HS6ST3: variants seen among roughly 807,000 people sequenced by gnomAD.
HS6ST3 encodes the protein heparan sulfate 6-O-sulfotransferase 3.
In HS6ST3, 12 loss-of-function variants were observed where a neutral mutation model predicts 36.7. The observed-to-expected ratio is 0.33, with a 90% confidence interval of 0.21 to 0.53. The LOEUF (loss-of-function observed/expected upper bound fraction) is 0.53. Among genes scored for constraint, HS6ST3 ranks in the 20% least tolerant of loss-of-function variants. The pLI is 0.95. For missense variants in HS6ST3, 584 were observed against 640.9 expected, an observed-to-expected ratio of 0.91 and a Z score of 0.96; for synonymous variants, 240 against 257.5, an observed-to-expected ratio of 0.93 and a Z score of 0.65.
chr13:96,659,214 A>G (rs2056637890), intron 1 of HS6ST3, among the ~76,000 whole-genome samples: 1 of 152,298 alleles, frequency 6.6e-6, no homozygotes, highest in African/African-American at 2.4e-5. Context: ...TAGCTATTCT[A>G]TAGAGAATGT....
At chr13:96,259,819 A>T (rs9556533) in intron 1 of HS6ST3, among the ~76,000 whole-genome samples, 10,975 of 152,260 alleles carry the variant, frequency 0.072, 512 homozygotes, top group East Asian at 0.16. Context: ...TCTCTGTCAG[A>T]GAAAGAGTAG....
chr13:96,228,119 C>T (rs548651826), intron 1 of HS6ST3, among the ~76,000 whole-genome samples: 2 of 152,262 alleles, frequency 1.3e-5, no homozygotes, highest in South Asian at 4.1e-4. Context: ...CATATATTCT[C>T]TGTTGCAGCT....
chr13:96,267,335 G>A lies in HS6ST3; in HGVS notation c.707+175766G>A, dbSNP rs1038258106. Among the ~76,000 whole-genome samples, 4 of 152,048 alleles carry A rather than the reference G, an allele frequency of 2.6e-5. No individual in the cohort carries two copies. The South Asian group carries it at 8.3e-4, about 32-fold the overall frequency. On this transcript the variant is annotated intron_variant, in intron 1 of 1. Transcript: ENST00000376705. ...GCATCTCTCATCTTGTACATTAACA[G>A]GAAATAGTATTTCAGGTTTCTTCTT...
At chr13:96,778,223 A>G (rs1445721376) in intron 1 of HS6ST3, among the ~76,000 whole-genome samples, 3 of 152,234 alleles carry the variant, frequency 2.0e-5, no homozygotes, top group Non-Finnish European at 4.4e-5. Context: ...TAAAAACCCT[A>G]GAAGAAAACC....
chr13:96,375,573 C>G (rs907849169), intron 1 of HS6ST3, among the ~76,000 whole-genome samples: 1 of 152,190 alleles, frequency 6.6e-6, no homozygotes, highest in Non-Finnish European at 1.5e-5. Flanking sequence ...AACTTCAAGC[C>G]TGTGACCTGG....
intron 1 of HS6ST3, among the ~76,000 whole-genome samples, chr13:96,710,678 G>A (rs994945529): frequency 4.6e-5 from 7 of 152,216 alleles, no homozygotes; most frequent in African/African-American, 1.4e-4. Context: ...GGGAGGACCC[G>A]AGTCATCACT....
chr13:96,238,097 C>G (rs1049030348), intron 1 of HS6ST3, among the ~76,000 whole-genome samples: 6 of 152,148 alleles, frequency 3.9e-5, no homozygotes, highest in African/African-American at 1.4e-4. Context: ...CAAACCTGTT[C>G]CTCTCTCAGT....
At chr13:96,731,108 C>T (rs1007149609) in intron 1 of HS6ST3, among the ~76,000 whole-genome samples, 1 of 152,224 alleles carries the variant, frequency 6.6e-6, no homozygotes. Flanking sequence ...TTAACATCCA[C>T]TCTGTTAGCA....
At chr13:96,172,934 G>T (rs1320056269) in intron 1 of HS6ST3, among the ~76,000 whole-genome samples, 1 of 152,172 alleles carries the variant, frequency 6.6e-6, no homozygotes, top group Non-Finnish European at 1.5e-5. Context: ...AATCCTATCA[G>T]CAGTACTCTT....
intron 1 of HS6ST3, among the ~76,000 whole-genome samples, chr13:96,238,035 A>G (rs2054542703): frequency 6.6e-6 from 1 of 152,150 alleles, no homozygotes; most frequent in Non-Finnish European, 1.5e-5. Context: ...TAATTATCTT[A>G]TGAGCTTCTC....
intron 1 of HS6ST3, among the ~76,000 whole-genome samples, chr13:96,815,933 C>T (rs1038394920): frequency 6.6e-6 from 1 of 152,192 alleles, no homozygotes; most frequent in African/African-American, 2.4e-5. Flanking sequence ...CTGTCCATCT[C>T]CTTCAGGGGT....
chr13:96,602,923 T>A (rs1473353827), intron 1 of HS6ST3, among the ~76,000 whole-genome samples: 1 of 152,208 alleles, frequency 6.6e-6, no homozygotes, highest in Non-Finnish European at 1.5e-5. Flanking sequence ...ATGGATGACA[T>A]GTTTAATGTA....
Position 96,411,045 on chromosome 13 carries a change from T to C in HS6ST3, c.707+319476T>C, listed in dbSNP as rs114808230. Among the ~76,000 whole-genome samples the C allele has an allele frequency of 8.2e-3, 1,253 of 152,364 alleles. 15 individuals carry two copies. The highest frequency in any genetic ancestry group is 0.039 in the East Asian group (204 of 5,192). On this transcript the variant is annotated intron_variant, in intron 1 of 1. Coordinates refer to ENST00000376705, the MANE Select transcript of HS6ST3 (RefSeq NM_153456.4). ...ACCATCACAGCCCCACAAACCATTA[T>C]TGGTGGGATTTGGGTGAAAAAAGTA... is the stretch of plus-strand genomic sequence containing the variant.
At chr13:96,260,110 C>T (rs1428610631) in intron 1 of HS6ST3, among the ~76,000 whole-genome samples, 2 of 152,082 alleles carry the variant, frequency 1.3e-5, no homozygotes, top group Non-Finnish European at 2.9e-5. Flanking sequence ...TCCAATACAA[C>T]TTCTAAATGT....
intron 1 of HS6ST3, among the ~76,000 whole-genome samples, chr13:96,244,373 T>A (rs771499827): frequency 2.6e-5 from 4 of 152,180 alleles, no homozygotes; most frequent in African/African-American, 4.8e-5. Context: ...AGTATTATAA[T>A]TGAAAGTCTT....
intron 1 of HS6ST3, among the ~76,000 whole-genome samples, chr13:96,647,848 T>G (rs1421480620): frequency 1.3e-5 from 2 of 152,038 alleles, no homozygotes; most frequent in African/African-American, 2.4e-5. Context: ...GATGGTAGCT[T>G]GAGAAACTAT....
At chr13:96,758,954 TC>T (rs112448582) in intron 1 of HS6ST3, among the ~76,000 whole-genome samples, 399 of 151,982 alleles carry the variant, frequency 2.6e-3, no homozygotes, top group African/African-American at 9.0e-3. Flanking sequence ...TCTCTATTTT[TC>T]CCTTTAGATT....
intron 1 of HS6ST3, among the ~76,000 whole-genome samples, chr13:96,452,345 C>T (rs2055732286): frequency 6.6e-6 from 1 of 152,148 alleles, no homozygotes; most frequent in Non-Finnish European, 1.5e-5. Context: ...TTGAAGGAGA[C>T]ATTTTTCTTA....
At chr13:96,573,983 G>A in intron 1 of HS6ST3, 1 of 540,372 alleles carries the variant, frequency 1.9e-6, no homozygotes, top group Non-Finnish European at 3.8e-6. Flanking sequence ...TCAGCTCTAT[G>A]GCTTTCCACA....
Sources: allele counts gnomAD v4.1 joint callset (sites outside exome capture counted in the v4.1 genomes callset), GRCh38; gene constraint gnomAD v4.1.1; transcripts MANE v1.5; gene names NCBI Gene and HGNC (gene_info 2026-07-23, HGNC 2026-07-21).